Variants in MGST2 observed in about 807,000 individuals in gnomAD.
MGST2 encodes glutathione peroxidase MGST2.
In MGST2, 9 loss-of-function variants were observed where a neutral mutation model predicts 16.6. The observed-to-expected ratio is 0.54, with a 90% CI of 0.33 to 0.95. MGST2 has a LOEUF of 0.95. Among genes scored for constraint, MGST2 ranks in the 40% least tolerant of loss-of-function variants. The probability of loss-of-function intolerance (pLI) is 0.03; values close to 1 mark genes in which losing one functional copy is unlikely to be tolerated. For synonymous variants in MGST2, 79 were observed against 68.0 expected, an observed-to-expected ratio of 1.16 and a Z score of -0.79; for missense variants, 159 against 175.1, an observed-to-expected ratio of 0.91 and a Z score of 0.52.
At chr4:139,731,690 A>G (rs13108476) in intron 5 of MGST2, among the ~76,000 whole-genome samples, 58,347 of 151,914 alleles carry the variant, frequency 0.38, 12,082 homozygotes, top group South Asian at 0.53. Context: ...TCTTGATTCT[A>G]TAATTATATG....
In MGST2 at chr4:139,670,840, T is replaced by C. The variant is rs1318661865; in HGVS notation, c.58+4763T>C. Among the ~76,000 whole-genome samples the C allele has an allele frequency of 2.0e-5, 3 of 148,300 alleles. No individual in the cohort carries two copies. In the East Asian group the frequency reaches 6.0e-4, roughly 30 times the overall value. ...GAGGTGTGAGAATTGCTTGAGTCCA[T>C]GGGTTGCAGTGAGCCGAGATCATGC... On this transcript the variant is annotated intron_variant, in intron 1 of 4. Coordinates refer to ENST00000265498, the MANE Select transcript of MGST2 (RefSeq NM_002413.5).
intron 2 of MGST2, among the ~76,000 whole-genome samples, chr4:139,691,106 G>C (rs1726551249): frequency 6.6e-6 from 1 of 152,186 alleles, no homozygotes; most frequent in Admixed American, 6.5e-5. Flanking sequence ...TGTTCAAAGA[G>C]GGCTCTCGCC....
At chr4:139,750,591 A>G in the MGST2 span, among the ~76,000 whole-genome samples, 62,089 of 152,002 alleles carry the variant, frequency 0.41, 14,542 homozygotes, top group Middle Eastern at 0.54. Context: ...GACACACTGG[A>G]ATTCACTCCT....
At chr4:139,672,945 C>T (rs1343038404) in intron 1 of MGST2, among the ~76,000 whole-genome samples, 1 of 152,036 alleles carries the variant, frequency 6.6e-6, no homozygotes, top group Admixed American at 6.5e-5. Flanking sequence ...AAGGGAAGAG[C>T]CTGCTTTGAG....
intron 1 of MGST2, among the ~76,000 whole-genome samples, chr4:139,675,961 A>G (rs902052166): frequency 1.7e-4 from 26 of 152,138 alleles, no homozygotes; most frequent in African/African-American, 6.3e-4. Context: ...CCGGCCTTAG[A>G]TATAGGGAAG....
downstream of MGST2, among the ~76,000 whole-genome samples, chr4:139,744,192 GC>G (rs1484939466): frequency 6.6e-6 from 1 of 152,220 alleles, no homozygotes; most frequent in East Asian, 1.9e-4. Flanking sequence ...TAAATTGATT[GC>G]CAGGGTGGCT....
chr4:139,734,195 T>G (rs1336519950), intron 5 of MGST2, among the ~76,000 whole-genome samples: 2 of 152,172 alleles, frequency 1.3e-5, no homozygotes, highest in Non-Finnish European at 2.9e-5. Flanking sequence ...TCTTTTAACC[T>G]CCAGTCTCAG....
intron 5 of MGST2, among the ~76,000 whole-genome samples, chr4:139,709,964 A>G (rs1206503135): frequency 6.6e-6 from 1 of 152,258 alleles, no homozygotes. Context: ...AGTACTTAAA[A>G]GAGAATTGAG....
intron 1 of MGST2, among the ~76,000 whole-genome samples, chr4:139,676,225 G>C (rs368536551): frequency 6.6e-6 from 1 of 152,148 alleles, no homozygotes; most frequent in East Asian, 1.9e-4. Context: ...TTTTTGGGGG[G>C]TATCAATAGT....
intron 5 of MGST2, among the ~76,000 whole-genome samples, chr4:139,711,105 C>T (rs1274461997): frequency 6.6e-6 from 1 of 151,802 alleles, no homozygotes; most frequent in African/African-American, 2.4e-5. Context: ...CCTTGACTTC[C>T]TGGGCTCAGG....
chr4:139,703,668 T>C, intron 4 of MGST2, 132 bp downstream of exon 4: 1 of 864,364 alleles, frequency 1.2e-6, no homozygotes, highest in Non-Finnish European at 1.9e-6. Context: ...CTGTCTGAGG[T>C]CAAGTCTTGC....
chr4:139,666,096 T>TCGTGTGTGTG lies in MGST2; in HGVS notation c.58+22_58+31dup. ...CAGCAAAGTAAGAGGCATGGGAAGT[T>TCGTGTGTGTG]CGTGTGTGTGCGCGTGTGTGCGTGT... is the stretch of plus-strand genomic sequence containing the variant. On this transcript the variant is annotated intron_variant, in intron 1 of 4. Transcript: ENST00000265498. The TCGTGTGTGTG allele has an allele frequency of 6.7e-7, 1 of 1,502,778 alleles. No individual in the cohort carries two copies. The highest frequency in any genetic ancestry group is 9.0e-7 in the Non-Finnish European group (1 of 1,116,982). The allele number at this position is 1,502,778 out of a possible 1,614,324, so 93.1% of individuals were successfully genotyped here. A position where few individuals can be genotyped will look rare whatever the true frequency, so the allele number is the denominator to read the frequency against.
At chr4:139,666,117 C>CGCGCGCGCGA (rs372455548) in intron 1 of MGST2, 40 bp downstream of exon 1, 1 of 979,776 alleles carries the variant, frequency 1.0e-6, no homozygotes, top group East Asian at 4.3e-5. Flanking sequence ...CGCGTGTGTG[C>CGCGCGCGCGA]GTGTGTGTGT....
In MGST2 at chr4:139,735,567, G is replaced by T. The variant is rs889753586; in HGVS notation, c.*49-4645G>T. On this transcript the variant is annotated intron_variant, in intron 5 of 5. Coordinates refer to the MGST2 transcript ENST00000616265. The surrounding 1 kb of genome is among the most constrained non-coding windows in gnomAD (Gnocchi z 5.8). ...TGCACAAAGCCGGCCCGGGGAGGGG[G>T]CGATAAGGAGCGAGCCTCGGGTCGG... Among the ~76,000 whole-genome samples, 25 of 152,166 alleles carry T rather than the reference G, an allele frequency of 1.6e-4. No homozygotes were observed. The highest frequency in any genetic ancestry group is 5.5e-4 in the African/African-American group (23 of 41,444).
chr4:139,723,184 T>C (rs1305091270), intron 5 of MGST2, among the ~76,000 whole-genome samples: 1 of 152,242 alleles, frequency 6.6e-6, no homozygotes, highest in Non-Finnish European at 1.5e-5. Context: ...AAAAGTCAGC[T>C]TCAAAAACCC....
intron 1 of MGST2, 43 bp downstream of exon 1, chr4:139,666,120 G>C (rs758763279): frequency 6.8e-5 from 58 of 850,326 alleles, no homozygotes; most frequent in Non-Finnish European, 8.7e-5. Context: ...GTGTGTGCGT[G>C]TGTGTGTGTG....
chr4:139,707,222 C>A (rs539578925), downstream of MGST2, among the ~76,000 whole-genome samples: 90 of 151,776 alleles, frequency 5.9e-4, no homozygotes, highest in Non-Finnish European at 1.1e-3. Context: ...CCACAACAGT[C>A]CCCGGAGTGT....
At chr4:139,753,564 T>C in the MGST2 span, among the ~76,000 whole-genome samples, 6 of 152,136 alleles carry the variant, frequency 3.9e-5, no homozygotes, top group Non-Finnish European at 5.9e-5. Flanking sequence ...AAAACTACCA[T>C]GAAAATAAAA....
At chr4:139,730,627 A>C (rs773827696) in intron 5 of MGST2, 2 of 1,613,148 alleles carry the variant, frequency 1.2e-6, no homozygotes, top group South Asian at 2.2e-5. Context: ...GGAGGACTGC[A>C]TGGGGCCTGT....
Sources: gnomAD v4.1 joint callset for allele counts (sites outside exome capture counted in the v4.1 genomes callset) on GRCh38, gnomAD v4.1.1 for gene constraint, Gnocchi (gnomAD v3.1) non-coding constraint, MANE v1.5 for transcripts, NCBI Gene and HGNC (gene_info 2026-07-23, HGNC 2026-07-21) for gene names.